The following WWP2 variants were observed in gnomAD, a reference collection of about 807,000 sequenced individuals.
WWP2 encodes WW domain containing E3 ubiquitin protein ligase 2.
In WWP2, 57 loss-of-function variants were observed where a neutral mutation model predicts 121.0. That is an observed-to-expected ratio of 0.47 (90% CI 0.38 to 0.59). WWP2 has a LOEUF of 0.59. Ranked by LOEUF, WWP2 falls within the 20% of genes least tolerant of loss-of-function variation. WWP2 has a pLI of 0.00. For missense variants in WWP2, 962 were observed against 1,158.9 expected (o/e 0.83, Z 2.47); for synonymous variants, 449 against 441.3 (o/e 1.02, Z -0.22).
chr16:69,834,110 C>G (rs1270999286), intron 4 of WWP2, among the ~76,000 whole-genome samples: 2 of 152,226 alleles, frequency 1.3e-5, no homozygotes, highest in South Asian at 2.1e-4. Flanking sequence ...AGGTCACTTC[C>G]TTGCTCAAAA....
At chr16:69,828,529 G>A (rs1410203772) in intron 4 of WWP2, among the ~76,000 whole-genome samples, 5 of 151,926 alleles carry the variant, frequency 3.3e-5, no homozygotes, top group East Asian at 3.9e-4. Context: ...ACCACACCCC[G>A]CTAATTTTGT....
Position 69,937,472 on chromosome 16 carries a change from G to T in WWP2, c.2239-76G>T. 1 of 1,497,712 alleles carries T rather than the reference G, an allele frequency of 6.7e-7. No homozygotes were observed. The highest frequency in any genetic ancestry group is 9.3e-7 in the Non-Finnish European group (1 of 1,079,266). 92.8% of individuals were successfully genotyped at this position (1,497,712 alleles called of 1,614,324 possible). On this transcript the variant is annotated intron_variant, in intron 20 of 23. Transcript: ENST00000359154. This position sits in a 1 kb window ranked among gnomAD's most constrained non-coding sequence, Gnocchi z 6.6. The stretch of plus-strand genomic sequence containing the variant: ...AAATAGCTAGTTGAATATGTTTGGG[G>T]TAATGTCAAGTGCTAGCGAGTGGAC...
chr16:69,803,933 A>T lies in WWP2; in HGVS notation c.340+4638A>T, dbSNP rs192543168. 3.9e-5 allele frequency among the ~76,000 whole-genome samples: 6 copies of T among 152,268 alleles called. No homozygotes were observed. In the East Asian group the frequency reaches 1.2e-3, roughly 29 times the overall value. ...AAAAAAAAATAAAGTAAAGGAATAA[A>T]GAATGGCAGAGCAGCCTCCACCCTA... On this transcript the variant is annotated intron_variant, in intron 4 of 23. Transcript: ENST00000359154.
At chr16:69,894,222 C>A (rs146010200) in intron 8 of WWP2, among the ~76,000 whole-genome samples, 5,595 of 151,418 alleles carry the variant, frequency 0.037, 295 homozygotes, top group African/African-American at 0.12. Context: ...ACTACAGGCG[C>A]ATGCCACTAT....
intron 2 of WWP2, among the ~76,000 whole-genome samples, chr16:69,790,369 T>G (rs1380824497): frequency 6.6e-6 from 1 of 152,038 alleles, no homozygotes; most frequent in Non-Finnish European, 1.5e-5. Flanking sequence ...GGAAAAAAAT[T>G]TTACTATTTA....
At chr16:69,777,304 A>G (rs911014622) in intron 1 of WWP2, among the ~76,000 whole-genome samples, 5 of 151,300 alleles carry the variant, frequency 3.3e-5, no homozygotes, top group African/African-American at 1.2e-4. Context: ...ATACTTTTAT[A>G]TTTTCTTTTT....
At chr16:69,926,320 C>T (rs1422184052) in intron 11 of WWP2, among the ~76,000 whole-genome samples, 9 of 152,108 alleles carry the variant, frequency 5.9e-5, no homozygotes, top group Non-Finnish European at 5.9e-5. Flanking sequence ...GCAGTTTTTG[C>T]GGGAACCAGC....
At chr16:69,873,998 C>T (rs1482930693) in intron 7 of WWP2, among the ~76,000 whole-genome samples, 2 of 152,198 alleles carry the variant, frequency 1.3e-5, no homozygotes, top group African/African-American at 2.4e-5. Flanking sequence ...AGGTGCCAGC[C>T]GTGTCTTCAA....
At chr16:69,872,727 T>A (rs553684711) in intron 7 of WWP2, among the ~76,000 whole-genome samples, 1 of 151,974 alleles carries the variant, frequency 6.6e-6, no homozygotes, top group East Asian at 1.9e-4. Flanking sequence ...TACTTGGGGG[T>A]GTGCAGGGGC....
At position 69,931,595 on chromosome 16, in the gene WWP2, C is replaced by T. The variant is rs1265462959; in HGVS notation, c.1593+15C>T. 2 of 1,613,926 alleles carry T rather than the reference C, an allele frequency of 1.2e-6. No homozygotes were observed. The highest frequency in any genetic ancestry group is 3.3e-5 in the Admixed American group (2 of 60,006). On this transcript the variant is annotated intron_variant, in intron 15 of 23. Coordinates refer to ENST00000359154, the MANE Select transcript of WWP2 (RefSeq NM_001270454.2). ...CCTTCCAACAGGTTAGATCATGGTG[C>T]CCGAAACCAGTGGCAGGCCGACGCC...
chr16:69,843,582 C>T (rs544049636), intron 6 of WWP2, among the ~76,000 whole-genome samples: 38 of 152,104 alleles, frequency 2.5e-4, no homozygotes, highest in Non-Finnish European at 4.6e-4. Flanking sequence ...TCTTCCCAAA[C>T]GAGGCCAGGC....
At chr16:69,780,319 A>C (rs1047345532) in intron 1 of WWP2, among the ~76,000 whole-genome samples, 1 of 151,304 alleles carries the variant, frequency 6.6e-6, no homozygotes, top group African/African-American at 2.4e-5. Flanking sequence ...TTAAATTCAT[A>C]TATTTCAGGT....
In WWP2 at chr16:69,925,209, C is replaced by T. The variant is rs79569203; in HGVS notation, c.1180-221C>T. The T allele has an allele frequency of 4.7e-5, 65 of 1,389,500 alleles. No homozygotes were observed. The African/African-American group carries it at 8.7e-4, about 19-fold the overall frequency. 86.1% of individuals were successfully genotyped at this position (1,389,500 alleles called of 1,614,324 possible). A position where few individuals can be genotyped will look rare whatever the true frequency, so the allele number is the denominator to read the frequency against. On this transcript the variant is annotated intron_variant, in intron 10 of 23. Coordinates refer to ENST00000359154, the MANE Select transcript of WWP2 (RefSeq NM_001270454.2). This position sits in a 1 kb window ranked among gnomAD's most constrained non-coding sequence, Gnocchi z 4.0. Reference sequence around the variant, plus strand: ...TGCCTTTTCCAAAACTCACTTGGGCCCTCCGTGCGCAGGGTTCTTTTTTGG... The same window carrying T: ...TGCCTTTTCCAAAACTCACTTGGGCTCTCCGTGCGCAGGGTTCTTTTTTGG...
chr16:69,827,437 G>GTTGT (rs79352169), intron 4 of WWP2, among the ~76,000 whole-genome samples: 4,816 of 152,218 alleles, frequency 0.032, 242 homozygotes, highest in African/African-American at 0.11. Flanking sequence ...TTTCCATGTT[G>GTTGT]TTGTATACGC....
intron 4 of WWP2, among the ~76,000 whole-genome samples, chr16:69,820,186 T>C (rs943058625): frequency 6.6e-6 from 1 of 152,148 alleles, no homozygotes; most frequent in African/African-American, 2.4e-5. Flanking sequence ...TGAACTGTGA[T>C]CATGCCACTG....
At chr16:69,846,761 C>T (rs1242087633) in intron 6 of WWP2, among the ~76,000 whole-genome samples, 3 of 151,614 alleles carry the variant, frequency 2.0e-5, no homozygotes, top group African/African-American at 7.3e-5. Flanking sequence ...ATAATGAATC[C>T]TGAATTCAGG....
At chr16:69,834,137 C>T (rs903540447) in intron 4 of WWP2, among the ~76,000 whole-genome samples, 14 of 152,200 alleles carry the variant, frequency 9.2e-5, no homozygotes, top group Admixed American at 5.2e-4. Context: ...AACGGAGTCC[C>T]GTCCCATGTT....
intron 4 of WWP2, among the ~76,000 whole-genome samples, chr16:69,813,461 CT>C (rs145646183): frequency 0.044 from 6,691 of 151,610 alleles, 512 homozygotes; most frequent in African/African-American, 0.15. Context: ...TGCGCCCAGC[CT>C]TTTTTTTGTT....
In WWP2 at chr16:69,904,938, CA is replaced by C. The variant is rs577174592; in HGVS notation, c.915-3820del. Among the ~76,000 whole-genome samples, 363 of 152,346 alleles carry C rather than the reference CA, an allele frequency of 2.4e-3. 3 individuals carry two copies. The highest frequency in any genetic ancestry group is 8.4e-3 in the African/African-American group (349 of 41,578). ...CTCCATACTTCCAGTTCTTACATAG[CA>C]AACTACAACCTAACTTAGTACGTAA... On this transcript the variant is annotated intron_variant, in intron 8 of 23. Transcript: ENST00000359154.
Sources: gnomAD v4.1 joint callset for allele counts (sites outside exome capture counted in the v4.1 genomes callset) on GRCh38, gnomAD v4.1.1 for gene constraint, Gnocchi (gnomAD v3.1) non-coding constraint, MANE v1.5 for transcripts, NCBI Gene and HGNC (gene_info 2026-07-23, HGNC 2026-07-21) for gene names.